GLDC: variants seen among roughly 807,000 people sequenced by gnomAD.
The protein encoded by GLDC is glycine decarboxylase, also known as glycine dehydrogenase (decarboxylating), mitochondrial.
In GLDC, 104 loss-of-function variants were observed where a neutral mutation model predicts 121.3. The observed-to-expected ratio is 0.86, with a 90% confidence interval of 0.73 to 1.01. The LOEUF is 1.01. Among genes scored for constraint, GLDC ranks in the 50% least tolerant of loss-of-function variants. The pLI is 0.00. For synonymous variants in GLDC, 546 were observed against 480.6 expected (o/e 1.14, Z -1.78); for missense variants, 1,429 against 1,306.6 (o/e 1.09, Z -1.44).
At chr9:6,639,889 C>T (rs564168253) in intron 2 of GLDC, among the ~76,000 whole-genome samples, 5 of 152,148 alleles carry the variant, frequency 3.3e-5, no homozygotes, top group South Asian at 2.1e-4. Context: ...TCCAGGAAAC[C>T]GAACAACAAC....
chr9:6,614,888 C>G (rs1818937637), intron 3 of GLDC, among the ~76,000 whole-genome samples: 1 of 152,176 alleles, frequency 6.6e-6, no homozygotes, highest in Non-Finnish European at 1.5e-5. Context: ...GAGCATGTTA[C>G]TGTACTGAAT....
intron 15 of GLDC, among the ~76,000 whole-genome samples, chr9:6,575,012 T>A (rs1818036463): frequency 6.6e-6 from 1 of 152,088 alleles, no homozygotes; most frequent in Admixed American, 6.5e-5. Context: ...GTGATGCACA[T>A]TAGAATTAGA....
At chr9:6,639,129 C>T in intron 2 of GLDC, 1 of 736,942 alleles carries the variant, frequency 1.4e-6, no homozygotes. Context: ...AAAAACAGAG[C>T]TTTTTCACAA....
chr9:6,621,562 G>C (rs1316280606), intron 2 of GLDC, among the ~76,000 whole-genome samples: 1 of 152,096 alleles, frequency 6.6e-6, no homozygotes, highest in African/African-American at 2.4e-5. Flanking sequence ...CTGTCACCCA[G>C]GCTGGAGTGC....
intron 5 of GLDC, 108 bp from the exon 6 acceptor site, chr9:6,605,386 G>T: frequency 1.7e-6 from 2 of 1,144,032 alleles, no homozygotes; most frequent in Non-Finnish European, 2.6e-6. Context: ...CCCTCCCACA[G>T]TGGCCTCCCA....
intron 2 of GLDC, among the ~76,000 whole-genome samples, chr9:6,630,667 A>T (rs1224083892): frequency 6.6e-6 from 1 of 152,120 alleles, no homozygotes; most frequent in African/African-American, 2.4e-5. Context: ...CAACATCCTA[A>T]TCCTCAGCTG....
intron 21 of GLDC, 121 bp from the exon 22 acceptor site, chr9:6,540,267 G>A: frequency 1.4e-6 from 1 of 731,892 alleles, no homozygotes; most frequent in South Asian, 1.5e-5. Flanking sequence ...CGAGGACCAA[G>A]AAGCCATGGG....
At chr9:6,615,729 G>C (rs898116221) in intron 3 of GLDC, among the ~76,000 whole-genome samples, 1 of 151,160 alleles carries the variant, frequency 6.6e-6, no homozygotes, top group Non-Finnish European at 1.5e-5. Context: ...TCCTGCTTCA[G>C]CCTCCCAAAT....
At chr9:6,609,729 G>A (rs965654867) in intron 4 of GLDC, among the ~76,000 whole-genome samples, 2 of 151,660 alleles carry the variant, frequency 1.3e-5, no homozygotes, top group Admixed American at 6.6e-5. Context: ...AGCTGTTTAA[G>A]GTCACATTTC....
In GLDC at chr9:6,553,407, G is replaced by A; in HGVS notation, c.2418C>T (p.Gly806=). ...AGGAAATGGGCAAGATGGAACTGGA[G>A]CCCCATGGGGCCGCACTGACGGTTC... The part of the protein sequence containing the change: ...PVGTVSAAPW[G]SSSILPISWA... The change falls in exon 20 of 25, where the codon GGC becomes GGT. Residue 806 remains glycine, a synonymous_variant. Coordinates refer to ENST00000321612, the MANE Select transcript of GLDC (RefSeq NM_000170.3). 1 of 1,613,852 alleles carries A rather than the reference G, an allele frequency of 6.2e-7. No individual in the cohort carries two copies.
chr9:6,634,408 A>T (rs1015675839), intron 2 of GLDC, among the ~76,000 whole-genome samples: 1 of 152,026 alleles, frequency 6.6e-6, no homozygotes, highest in African/African-American at 2.4e-5. Context: ...TCACGCCAGC[A>T]GTCCCAGCTA....
chr9:6,540,183 C>G lies in GLDC; in HGVS notation c.2570-37G>C, dbSNP rs369457570. The G allele has an allele frequency of 2.6e-5, 33 of 1,251,428 alleles. No individual in the cohort carries two copies. In the Middle Eastern group the frequency reaches 7.4e-4, roughly 28 times the overall value. The allele number at this position is 1,251,428 out of a possible 1,614,324, so 77.5% of individuals were successfully genotyped here. ...AGTTGTTTCAGCCCAAGATTAGCAT[C>G]AGCTTATTGTTTTACCCAAACAAAT... On this transcript the variant is annotated intron_variant, in intron 21 of 24. Coordinates refer to ENST00000321612, the MANE Select transcript of GLDC (RefSeq NM_000170.3).
intron 4 of GLDC, among the ~76,000 whole-genome samples, chr9:6,607,193 T>C (rs1015125380): frequency 4.6e-5 from 7 of 152,256 alleles, no homozygotes; most frequent in African/African-American, 1.7e-4. Context: ...GTTCAATTTC[T>C]ATGTTTACTC....
intron 8 of GLDC, among the ~76,000 whole-genome samples, chr9:6,598,623 C>G (rs188489263): frequency 8.1e-4 from 123 of 152,320 alleles, no homozygotes; most frequent in African/African-American, 2.5e-3. Context: ...CCTAACAAAA[C>G]AGGGAGACTT....
chr9:6,620,153 C>T, intron 3 of GLDC, 31 bp downstream of exon 3: 1 of 1,607,762 alleles, frequency 6.2e-7, no homozygotes, highest in East Asian at 2.2e-5. Flanking sequence ...AAATCACAGT[C>T]ATCCTGTTCC....
chr9:6,598,118 TC>T (rs1276199892), intron 8 of GLDC, among the ~76,000 whole-genome samples: 3 of 152,152 alleles, frequency 2.0e-5, no homozygotes, highest in Non-Finnish European at 4.4e-5. Context: ...AGCCTGGACC[TC>T]CCCAGCTCAA....
intron 22 of GLDC, 123 bp from the exon 23 acceptor site, chr9:6,536,359 T>C: frequency 1.1e-6 from 1 of 874,306 alleles, no homozygotes; most frequent in Non-Finnish European, 1.9e-6. Flanking sequence ...TTTGCAAATG[T>C]ATGTATGTGG....
chr9:6,572,244 G>A (rs2129782043), intron 15 of GLDC, among the ~76,000 whole-genome samples: 1 of 152,278 alleles, frequency 6.6e-6, no homozygotes, highest in South Asian at 2.1e-4. Flanking sequence ...TACAGAACGG[G>A]AGAAAGTATC....
intron 3 of GLDC, among the ~76,000 whole-genome samples, chr9:6,617,372 T>C (rs1156441255): frequency 6.6e-6 from 1 of 152,100 alleles, no homozygotes; most frequent in Non-Finnish European, 1.5e-5. Context: ...CAGAAAGCAA[T>C]ATGGTGAATA....
Sources: allele counts gnomAD v4.1 joint callset (sites outside exome capture counted in the v4.1 genomes callset), GRCh38; gene constraint gnomAD v4.1.1; transcripts MANE v1.5; gene names NCBI Gene and HGNC (gene_info 2026-07-23, HGNC 2026-07-21).